Variants in LPCAT1 observed in about 807,000 individuals in gnomAD.
LPCAT1 encodes 1-acylglycerol-3-phosphate O-acyltransferase.
LPCAT1 carries 23 observed loss-of-function variants against 60.9 expected under a neutral mutation model. The observed-to-expected ratio is 0.38, with a 90% CI of 0.27 to 0.53. LPCAT1 has a LOEUF of 0.53. Among genes scored for constraint, LPCAT1 ranks in the 20% least tolerant of loss-of-function variants. LPCAT1 has a pLI of 0.82. For synonymous variants in LPCAT1, 340 were observed against 301.1 expected, an observed-to-expected ratio of 1.13 and a Z score of -1.34; for missense variants, 622 against 723.6, an observed-to-expected ratio of 0.86 and a Z score of 1.61.
intron 9 of LPCAT1, among the ~76,000 whole-genome samples, chr5:1,475,967 C>T (rs1374341302): frequency 6.6e-6 from 1 of 152,218 alleles, no homozygotes. Context: ...CGGTGGCAGA[C>T]CCTCCAACGG....
chr5:1,509,582 AG>A (rs1199391442), intron 1 of LPCAT1, among the ~76,000 whole-genome samples: 1 of 152,166 alleles, frequency 6.6e-6, no homozygotes, highest in Non-Finnish European at 1.5e-5. Context: ...TGAGAGCTGG[AG>A]GGAGCTTCGG....
intron 1 of LPCAT1, among the ~76,000 whole-genome samples, 185 bp from the exon 2 acceptor site, chr5:1,501,788 G>GGCTGACCAGTGCTGACCGGC (rs1736019792): frequency 2.0e-5 from 3 of 151,666 alleles, no homozygotes; most frequent in African/African-American, 7.3e-5. Context: ...GGCTGACCGA[G>GGCTGACCAGTGCTGACCGGC]GCTGACCAGT....
At chr5:1,500,021 G>A (rs567322926) in intron 2 of LPCAT1, among the ~76,000 whole-genome samples, 12 of 152,328 alleles carry the variant, frequency 7.9e-5, no homozygotes, top group Admixed American at 4.6e-4. Flanking sequence ...ACAGCCACAC[G>A]GCCTCTGTCC....
Position 1,523,127 on chromosome 5 carries a change from G to A in LPCAT1, c.135+583C>T, listed in dbSNP as rs1217078548. ...GAGCAGGGAGACCCGTGCGCCTACA[G>A]GGGACCCTACAGGGGACCCGCACCG... On this transcript the variant is annotated intron_variant, in intron 1 of 13. Transcript: ENST00000283415. This position sits in a 1 kb window ranked among gnomAD's most constrained non-coding sequence, Gnocchi z 7.1. 6.6e-6 allele frequency among the ~76,000 whole-genome samples: 1 copy of A among 151,506 alleles called. No individual in the cohort carries two copies. Among genetic ancestry groups the A allele is most frequent in the East Asian group, 1.9e-4 (1 of 5,188 alleles).
chr5:1,468,440 C>T (rs1734530026), intron 12 of LPCAT1, among the ~76,000 whole-genome samples: 1 of 152,228 alleles, frequency 6.6e-6, no homozygotes, highest in Non-Finnish European at 1.5e-5. Flanking sequence ...GAGAGCAGTG[C>T]CTCCTGCCCC....
At chr5:1,515,891 C>G (rs540005467) in intron 1 of LPCAT1, among the ~76,000 whole-genome samples, 1 of 152,134 alleles carries the variant, frequency 6.6e-6, no homozygotes, top group South Asian at 2.1e-4. Context: ...CCCAGGACAT[C>G]CTGCTTCCCC....
At chr5:1,509,903 G>A (rs2962042) in intron 1 of LPCAT1, among the ~76,000 whole-genome samples, 86,489 of 152,044 alleles carry the variant, frequency 0.57, 24,816 homozygotes, top group Middle Eastern at 0.67. Context: ...CACCCCAGGC[G>A]CTACAGATCC....
chr5:1,519,208 C>T (rs1289391952), intron 1 of LPCAT1, among the ~76,000 whole-genome samples: 1 of 152,232 alleles, frequency 6.6e-6, no homozygotes, highest in Non-Finnish European at 1.5e-5. Context: ...TTGCTGTCAG[C>T]TGTAAAACAA....
chr5:1,514,964 C>T (rs1275759485), intron 1 of LPCAT1, among the ~76,000 whole-genome samples: 1 of 152,196 alleles, frequency 6.6e-6, no homozygotes, highest in Non-Finnish European at 1.5e-5. Flanking sequence ...ATTCAGGATC[C>T]GTGGCATTTC....
At chr5:1,486,677 C>T (rs1735383105) in intron 5 of LPCAT1, among the ~76,000 whole-genome samples, 1 of 152,018 alleles carries the variant, frequency 6.6e-6, no homozygotes, top group African/African-American at 2.4e-5. Flanking sequence ...CAGGATCACG[C>T]ACCACACACC....
At chr5:1,508,061 G>A (rs986622096) in intron 1 of LPCAT1, among the ~76,000 whole-genome samples, 1 of 152,228 alleles carries the variant, frequency 6.6e-6, no homozygotes, top group African/African-American at 2.4e-5. Flanking sequence ...CCCGGAGGGG[G>A]TCCTTGGCAG....
chr5:1,522,123 G>A lies in LPCAT1; in HGVS notation c.135+1587C>T, dbSNP rs1431910210. 1.3e-5 allele frequency among the ~76,000 whole-genome samples: 2 copies of A among 152,176 alleles called. No homozygotes were observed. The highest frequency in any genetic ancestry group is 2.9e-5 in the Non-Finnish European group (2 of 68,020). ...TAGCTGGGGCAGGAGCAGGGCTGGG[G>A]AAGCCCTGGAAACCACAGCAGGGGT... On this transcript the variant is annotated intron_variant, in intron 1 of 13. Transcript: ENST00000283415. The surrounding 1 kb of genome is among the most constrained non-coding windows in gnomAD (Gnocchi z 6.8).
Position 1,522,636 on chromosome 5 carries a change from A to G in LPCAT1, c.135+1074T>C. Among the ~76,000 whole-genome samples, 1 of 152,256 alleles carries G rather than the reference A, an allele frequency of 6.6e-6. No homozygotes were observed. The highest frequency in any genetic ancestry group is 2.1e-4 in the South Asian group (1 of 4,836). On this transcript the variant is annotated intron_variant, in intron 1 of 13. Transcript: ENST00000283415. The surrounding 1 kb of genome is among the most constrained non-coding windows in gnomAD (Gnocchi z 6.8). ...AAATGACAAGCTCAAACTGGCCTCA[A>G]GAACTTTTCACTTCAGGGTTCTTTC...
rs1278580055 is a variant in LPCAT1 at position 1,470,863 on chromosome 5, G to A, written c.1241C>T (p.Pro414Leu). ...CVVALSVVCR[P>L]ARTLDTIQLA... ...CTGGATGGTGTCCAGGGTCCGGGCC[G>A]GCCGGCAGACGACAGACAGGGCAAC... Residue 414 changes from proline to leucine, a missense_variant, in exon 12 of 14, where the codon CCG becomes CTG. By Grantham distance (98) the Pro-to-Leu change is moderately conservative. Coordinates refer to ENST00000283415, the MANE Select transcript of LPCAT1 (RefSeq NM_024830.5). 5.0e-6 allele frequency: 8 copies of A among 1,613,468 alleles called. No homozygotes were observed. Among genetic ancestry groups the A allele is most frequent in the African/African-American group, 4.0e-5 (3 of 74,912 alleles).
At chr5:1,479,126 T>C (rs1560961230) in intron 8 of LPCAT1, among the ~76,000 whole-genome samples, 1 of 152,218 alleles carries the variant, frequency 6.6e-6, no homozygotes, top group Non-Finnish European at 1.5e-5. Context: ...CTGGGTGTGG[T>C]AGTTCACGCC....
At chr5:1,509,412 G>A (rs1021620593) in intron 1 of LPCAT1, among the ~76,000 whole-genome samples, 6 of 152,376 alleles carry the variant, frequency 3.9e-5, no homozygotes, top group East Asian at 3.9e-4. Flanking sequence ...GAGGGCGAGC[G>A]GCAGCACACA....
rs180837307 is a variant in LPCAT1, at chr5:1,470,858, G to C, written c.1246C>G (p.Arg416Gly). 3 of 1,613,590 alleles carry C rather than the reference G, an allele frequency of 1.9e-6. No homozygotes were observed. Among genetic ancestry groups the C allele is most frequent in the East Asian group, 4.5e-5 (2 of 44,882 alleles). Residue 416 changes from arginine to glycine, a missense_variant, in exon 12 of 14, where the codon CGG becomes GGG. Physicochemically the swap from Arg to Gly is moderately radical, Grantham distance 125. This residue lies in a region of LPCAT1 where 288 missense variants were observed against 283.6 expected (regional missense o/e 1.02). Coordinates refer to ENST00000283415, the MANE Select transcript of LPCAT1 (RefSeq NM_024830.5). ...VALSVVCRPA[R>G]TLDTIQLAFK... ...GCCAGCTGGATGGTGTCCAGGGTCCGGGCCGGCCGGCAGACGACAGACAGG... is the reference window on the plus strand; with the variant it reads ...GCCAGCTGGATGGTGTCCAGGGTCCCGGCCGGCCGGCAGACGACAGACAGG...
chr5:1,501,275 G>T (rs1735992379), intron 2 of LPCAT1, among the ~76,000 whole-genome samples, 186 bp downstream of exon 2: 1 of 152,170 alleles, frequency 6.6e-6, no homozygotes, highest in African/African-American at 2.4e-5. Context: ...AGGCGTGGAA[G>T]ACAGAGGCAA....
chr5:1,469,624 A>C (rs1734586622), intron 12 of LPCAT1, among the ~76,000 whole-genome samples: 1 of 152,158 alleles, frequency 6.6e-6, no homozygotes, highest in Admixed American at 6.5e-5. Context: ...TAAAATTACA[A>C]AAATTAGCTG....
Sources: gnomAD v4.1 joint callset for allele counts (sites outside exome capture counted in the v4.1 genomes callset) on GRCh38, gnomAD v4.1.1 for gene constraint, gnomAD v4.1.1 regional missense constraint, Gnocchi (gnomAD v3.1) non-coding constraint, MANE v1.5 for transcripts, NCBI Gene and HGNC (gene_info 2026-07-23, HGNC 2026-07-21) for gene names.